Variants in RASSF5 observed in about 807,000 individuals in gnomAD.
The protein encoded by RASSF5 is ras association domain-containing protein 5.
RASSF5 carries 25 observed loss-of-function variants against 40.5 expected under a neutral mutation model. That is an observed-to-expected ratio of 0.62 (90% CI 0.45 to 0.86). RASSF5 has a LOEUF of 0.86. Ranked by LOEUF, RASSF5 falls within the 40% of genes least tolerant of loss-of-function variation. The probability of loss-of-function intolerance (pLI) is 0.00; values close to 1 mark genes in which losing one functional copy is unlikely to be tolerated. For missense variants in RASSF5, 521 were observed against 572.8 expected, an observed-to-expected ratio of 0.91 and a Z score of 0.92; for synonymous variants, 246 against 252.4, an observed-to-expected ratio of 0.97 and a Z score of 0.24.
At chr1:206,558,319 C>A (rs911141161) in intron 2 of RASSF5, among the ~76,000 whole-genome samples, 1 of 151,952 alleles carries the variant, frequency 6.6e-6, no homozygotes, top group Admixed American at 6.6e-5. Context: ...ACTTGTATTT[C>A]CTAAAGGTGT....
intron 2 of RASSF5, among the ~76,000 whole-genome samples, chr1:206,573,745 C>T (rs533161068): frequency 3.4e-4 from 52 of 152,262 alleles, no homozygotes; most frequent in African/African-American, 6.5e-4. Context: ...TAGTGGCTCA[C>T]GCCTGTAATC....
intron 2 of RASSF5, among the ~76,000 whole-genome samples, chr1:206,565,644 CAT>C (rs1668269027): frequency 6.6e-6 from 1 of 152,234 alleles, no homozygotes; most frequent in African/African-American, 2.4e-5. Context: ...GAGGCCCTTC[CAT>C]ATCCTAGTGG....
chr1:206,575,039 T>TA (rs71570016), intron 2 of RASSF5, among the ~76,000 whole-genome samples: 6 of 151,266 alleles, frequency 4.0e-5, no homozygotes, highest in Non-Finnish European at 7.4e-5. Flanking sequence ...TTTTTGTTTT[T>TA]TTTTTTAGAA....
chr1:206,558,195 G>A (rs1553402067), intron 2 of RASSF5, among the ~76,000 whole-genome samples: 1 of 152,246 alleles, frequency 6.6e-6, no homozygotes, highest in African/African-American at 2.4e-5. Flanking sequence ...AGTCCAGGGT[G>A]TTTTTAGAAG....
At chr1:206,542,648 G>T (rs116766892) in intron 2 of RASSF5, 2 of 152,164 alleles carry the variant, frequency 1.3e-5, no homozygotes, top group African/African-American at 2.4e-5. Context: ...TCCCATGGCC[G>T]TTCCCAGACC....
chr1:206,512,228 T>C (rs1187117523), intron 1 of RASSF5, among the ~76,000 whole-genome samples: 1 of 152,130 alleles, frequency 6.6e-6, no homozygotes, highest in African/African-American at 2.4e-5. Context: ...AAGGTCCTGT[T>C]GGAGGATGTG....
intron 2 of RASSF5, among the ~76,000 whole-genome samples, chr1:206,578,707 C>T (rs1189363766): frequency 4.6e-5 from 7 of 152,184 alleles, no homozygotes; most frequent in Non-Finnish European, 1.0e-4. Flanking sequence ...ACGTCCTCCT[C>T]AGCCCACCCT....
intron 1 of RASSF5, among the ~76,000 whole-genome samples, chr1:206,532,316 G>A (rs782003588): frequency 3.9e-5 from 6 of 152,120 alleles, no homozygotes; most frequent in Non-Finnish European, 8.8e-5. Flanking sequence ...CTTGACATCA[G>A]GAACCCCATT....
chr1:206,530,553 T>C (rs1205527372), intron 1 of RASSF5, among the ~76,000 whole-genome samples: 2 of 152,372 alleles, frequency 1.3e-5, no homozygotes, highest in African/African-American at 2.4e-5. Flanking sequence ...AGGTAGTACC[T>C]TCTCATTCCC....
chr1:206,566,641 A>T (rs1384746513), intron 2 of RASSF5, among the ~76,000 whole-genome samples: 1 of 152,202 alleles, frequency 6.6e-6, no homozygotes, highest in African/African-American at 2.4e-5. Flanking sequence ...GAGCACAGTG[A>T]AGAGGCACTT....
intron 2 of RASSF5, among the ~76,000 whole-genome samples, chr1:206,564,413 C>T (rs909800445): frequency 6.6e-6 from 1 of 152,202 alleles, no homozygotes; most frequent in Non-Finnish European, 1.5e-5. Context: ...CCAGAATCAG[C>T]TTTTCCCTAT....
At chr1:206,515,238 G>A (rs1230070808) in intron 1 of RASSF5, among the ~76,000 whole-genome samples, 1 of 152,212 alleles carries the variant, frequency 6.6e-6, no homozygotes, top group Non-Finnish European at 1.5e-5. Context: ...GAATCAGCCA[G>A]GGCTGGGTAA....
At chr1:206,580,505 G>C (rs1407382560) in intron 2 of RASSF5, among the ~76,000 whole-genome samples, 5 of 152,200 alleles carry the variant, frequency 3.3e-5, no homozygotes, top group Admixed American at 3.3e-4. Context: ...TAGGGGTAGG[G>C]CCAGGGTCAG....
At chr1:206,525,435 G>A (rs782649375) in intron 1 of RASSF5, among the ~76,000 whole-genome samples, 1 of 152,052 alleles carries the variant, frequency 6.6e-6, no homozygotes, top group Non-Finnish European at 1.5e-5. Context: ...TAGAGATAGG[G>A]TCTTACTCTG....
intron 1 of RASSF5, among the ~76,000 whole-genome samples, chr1:206,511,987 G>A (rs1193358373): frequency 1.3e-5 from 2 of 152,208 alleles, no homozygotes; most frequent in African/African-American, 4.8e-5. Context: ...ATCATCCTGT[G>A]TTGTTCTGGC....
rs1668782371 is a variant in RASSF5 at position 206,579,413 on chromosome 1, C to CT, written c.580-3854dup. ...CTCGCTTTGTACCCGTGGACAGATC[C>CT]TTAAGAATCTGGCAGGTGAATAGGA... On this transcript the variant is annotated intron_variant, in intron 2 of 5. Transcript: ENST00000579436. This position sits in a 1 kb window ranked among gnomAD's most constrained non-coding sequence, Gnocchi z 4.2. 6.6e-6 allele frequency among the ~76,000 whole-genome samples: 1 copy of CT among 152,176 alleles called. No homozygotes were observed. Among genetic ancestry groups the CT allele is most frequent in the South Asian group, 2.1e-4 (1 of 4,830 alleles).
intron 2 of RASSF5, among the ~76,000 whole-genome samples, chr1:206,558,217 T>C (rs532917672): frequency 6.6e-6 from 1 of 152,344 alleles, no homozygotes; most frequent in African/African-American, 2.4e-5. Flanking sequence ...AGACGAAAAC[T>C]TCTGGCCTAG....
chr1:206,575,277 T>C (rs1668598028), intron 2 of RASSF5, among the ~76,000 whole-genome samples: 1 of 152,142 alleles, frequency 6.6e-6, no homozygotes, highest in Non-Finnish European at 1.5e-5. Context: ...GGCCTGAGGC[T>C]TTCCTCCCTG....
chr1:206,510,113 T>C (rs1157381107), intron 1 of RASSF5, among the ~76,000 whole-genome samples: 2 of 152,348 alleles, frequency 1.3e-5, no homozygotes, highest in South Asian at 2.1e-4. Flanking sequence ...AGAAATGTTC[T>C]GATGTGCAGA....
Sources: allele counts gnomAD v4.1 joint callset (sites outside exome capture counted in the v4.1 genomes callset), GRCh38; gene constraint gnomAD v4.1.1; non-coding constraint Gnocchi (gnomAD v3.1); transcripts MANE v1.5; gene names NCBI Gene and HGNC (gene_info 2026-07-23, HGNC 2026-07-21).